The following CABLES1 variants were observed in gnomAD, a reference collection of about 807,000 sequenced individuals.
CABLES1 encodes the protein CDK5 and ABL1 enzyme substrate 1.
In CABLES1, 36 loss-of-function variants were observed where a neutral mutation model predicts 57.8. The ratio of observed to expected loss-of-function variants is 0.62; its 90% CI spans 0.48 to 0.82. The LOEUF is 0.82. Among genes scored for constraint, CABLES1 ranks in the 40% least tolerant of loss-of-function variants. CABLES1 has a pLI of 0.00. For synonymous variants in CABLES1, 374 were observed against 363.0 expected (o/e 1.03, Z -0.35); for missense variants, 767 against 836.6 (o/e 0.92, Z 1.03).
intron 3 of CABLES1, among the ~76,000 whole-genome samples, chr18:23,207,483 C>T (rs150992412): frequency 2.6e-5 from 4 of 152,314 alleles, no homozygotes; most frequent in East Asian, 3.9e-4. Context: ...CCAGGAAGCC[C>T]ACCTTGCCTC....
chr18:23,204,809 C>T (rs2047350963), intron 3 of CABLES1, among the ~76,000 whole-genome samples: 1 of 152,194 alleles, frequency 6.6e-6, no homozygotes. Flanking sequence ...CCATATAAAA[C>T]CAACAGATCT....
At chr18:23,194,322 G>A (rs893788791) in intron 2 of CABLES1, 126 bp from the exon 3 acceptor site, 6 of 599,996 alleles carry the variant, frequency 1.0e-5, no homozygotes, top group East Asian at 5.7e-5. Flanking sequence ...TTATCCTCGC[G>A]GACTCCTGCC....
intron 7 of CABLES1, among the ~76,000 whole-genome samples, chr18:23,243,077 A>T (rs1404698364): frequency 2.7e-5 from 4 of 150,814 alleles, no homozygotes; most frequent in Non-Finnish European, 5.9e-5. Context: ...ATTATAATTT[A>T]TATAGAATAT....
rs1280989688 is a variant in CABLES1 at position 23,211,264 on chromosome 18, A to G, written c.1011-2713A>G. Among the ~76,000 whole-genome samples the G allele has an allele frequency of 3.3e-5, 5 of 152,190 alleles. No homozygotes were observed. The East Asian group carries it at 9.6e-4, about 29-fold the overall frequency. ...CACCTTAGCATGAGTAGTGAGGAAA[A>G]TGCAGCATCGCTAAGCCAGTGGAGT... On this transcript the variant is annotated intron_variant, in intron 3 of 9. Transcript: ENST00000256925.
intron 1 of CABLES1, among the ~76,000 whole-genome samples, chr18:23,146,755 A>G (rs1338914679): frequency 2.0e-5 from 1 of 49,680 alleles, no homozygotes; most frequent in Non-Finnish European, 4.0e-5. Context: ...ATGGATTTGA[A>G]AGTCACTATG....
chr18:23,251,247 GT>G (rs1453239017), intron 7 of CABLES1, among the ~76,000 whole-genome samples: 1 of 152,194 alleles, frequency 6.6e-6, no homozygotes, highest in Non-Finnish European at 1.5e-5. Context: ...GAAGTCAGGA[GT>G]TCAAGAGGAG....
intron 1 of CABLES1, among the ~76,000 whole-genome samples, chr18:23,182,899 C>T (rs973596258): frequency 1.3e-5 from 2 of 152,228 alleles, no homozygotes; most frequent in African/African-American, 2.4e-5. Flanking sequence ...TGTCTCTCAG[C>T]GCTTTCTTCA....
At chr18:23,205,487 C>A (rs745755493) in intron 3 of CABLES1, among the ~76,000 whole-genome samples, 1 of 152,160 alleles carries the variant, frequency 6.6e-6, no homozygotes, top group Non-Finnish European at 1.5e-5. Flanking sequence ...AGCCACCATA[C>A]CTGGCCGGAC....
chr18:23,201,262 A>G (rs570937108), intron 3 of CABLES1, among the ~76,000 whole-genome samples: 1 of 152,326 alleles, frequency 6.6e-6, no homozygotes, highest in South Asian at 2.1e-4. Context: ...TCACAATGCA[A>G]TGCCAATACA....
At chr18:23,188,721 T>C (rs1441761852) in intron 1 of CABLES1, 117 bp from the exon 2 acceptor site, 3 of 765,602 alleles carry the variant, frequency 3.9e-6, no homozygotes, top group African/African-American at 3.4e-5. Flanking sequence ...AGCTTTTGTC[T>C]GATCTTTTCT....
chr18:23,136,113 C>T lies in CABLES1; in HGVS notation c.351C>T (p.Gly117=), dbSNP rs2046818174. 1.5e-5 allele frequency: 18 copies of T among 1,189,654 alleles called. No homozygotes were observed. Among genetic ancestry groups the T allele is most frequent in the South Asian group, 4.1e-5 (1 of 24,450 alleles). 73.7% of individuals were successfully genotyped at this position (1,189,654 alleles called of 1,614,324 possible). ...GCTTGCTCGCCGCTGCCGAGCGGGG[C>T]GGCTGCATCGCGCTCGCCGCGCCGG... is the stretch of plus-strand genomic sequence containing the variant. The part of the protein sequence containing the change: ...RFSLLAAAER[G]GCIALAAPGT... Residue 117 remains glycine, a synonymous_variant, in exon 1 of 10, where the codon GGC becomes GGT. Transcript: ENST00000256925.
intron 3 of CABLES1, among the ~76,000 whole-genome samples, chr18:23,199,531 C>T (rs1428067028): frequency 6.6e-6 from 1 of 152,188 alleles, no homozygotes; most frequent in African/African-American, 2.4e-5. Context: ...GGAATCAGTA[C>T]TGATACATGC....
intron 1 of CABLES1, among the ~76,000 whole-genome samples, chr18:23,184,253 G>A (rs79503327): frequency 0.071 from 10,747 of 151,976 alleles, 826 homozygotes; most frequent in Admixed American, 0.22. Context: ...TCCCCTTTAA[G>A]GAGTCCTGAT....
At chr18:23,238,582 C>T (rs140806685) in intron 7 of CABLES1, among the ~76,000 whole-genome samples, 1 of 152,350 alleles carries the variant, frequency 6.6e-6, no homozygotes, top group East Asian at 1.9e-4. Context: ...TCATCTTTGG[C>T]AGAGGCAAGC....
At chr18:23,163,454 G>A (rs1014117448) in intron 1 of CABLES1, among the ~76,000 whole-genome samples, 3 of 152,168 alleles carry the variant, frequency 2.0e-5, no homozygotes, top group Non-Finnish European at 4.4e-5. Flanking sequence ...GTATCGAGAG[G>A]TTGAGTAGAA....
At chr18:23,217,884 A>C (rs2047453690) in intron 4 of CABLES1, among the ~76,000 whole-genome samples, 1 of 152,252 alleles carries the variant, frequency 6.6e-6, no homozygotes, top group Admixed American at 6.5e-5. Flanking sequence ...GCTGAGGCAC[A>C]GTGGGGCGAA....
Position 23,239,191 on chromosome 18 carries a change from G to A in CABLES1, c.1446+1946G>A, listed in dbSNP as rs191460032. ...ATACAACTTTTCCTCCTTAGACTGT[G>A]CTAGAAGACTTGCCAAGTCAGCATG... On this transcript the variant is annotated intron_variant, in intron 7 of 9. Coordinates refer to ENST00000256925, the MANE Select transcript of CABLES1 (RefSeq NM_001100619.3). Among the ~76,000 whole-genome samples, 10 of 152,342 alleles carry A rather than the reference G, an allele frequency of 6.6e-5. No individual in the cohort carries two copies. The East Asian group carries it at 1.9e-3, about 29-fold the overall frequency.
At chr18:23,182,356 G>T (rs2047173471) in intron 1 of CABLES1, among the ~76,000 whole-genome samples, 1 of 152,162 alleles carries the variant, frequency 6.6e-6, no homozygotes. Flanking sequence ...CTGGAGGTTG[G>T]TTATGATCAT....
In CABLES1 at chr18:23,196,223, C is replaced by A. The variant is rs1234576772; in HGVS notation, c.1010+1683C>A. Among the ~76,000 whole-genome samples, 3 of 152,092 alleles carry A rather than the reference C, an allele frequency of 2.0e-5. No individual in the cohort carries two copies. In the East Asian group the frequency reaches 5.8e-4, roughly 29 times the overall value. On this transcript the variant is annotated intron_variant, in intron 3 of 9. Coordinates refer to ENST00000256925, the MANE Select transcript of CABLES1 (RefSeq NM_001100619.3). ...TTTGCTGGGGAGTTTTCAGGGGGAG[C>A]CAAGAGGATTCTTAGCTTATCTGAA...
Sources: gnomAD v4.1 joint callset for allele counts (sites outside exome capture counted in the v4.1 genomes callset) on GRCh38, gnomAD v4.1.1 for gene constraint, MANE v1.5 for transcripts, NCBI Gene and HGNC (gene_info 2026-07-23, HGNC 2026-07-21) for gene names.